Variants in GFAP observed in about 807,000 individuals in gnomAD.
GFAP encodes glial fibrillary acidic protein.
In GFAP, 38 loss-of-function variants were observed where a neutral mutation model predicts 49.3. The ratio of observed to expected loss-of-function variants is 0.77; its 90% CI spans 0.60 to 1.01. The LOEUF (loss-of-function observed/expected upper bound fraction) is 1.01, where lower values mean the gene tolerates loss of function less well. GFAP is among the 50% of genes least tolerant of loss of function. The pLI is 0.00. For synonymous variants in GFAP, 222 were observed against 236.4 expected (o/e 0.94, Z 0.56); for missense variants, 463 against 579.1 (o/e 0.80, Z 2.06).
chr17:44,907,548 G>T, intron 8 of GFAP, 160 bp from the exon 9 acceptor site: 1 of 698,286 alleles, frequency 1.4e-6, no homozygotes, highest in South Asian at 1.5e-5. Flanking sequence ...GACAGAGGGG[G>T]TGGTGAGATA....
rs1196056652 is a variant in GFAP, at chr17:44,905,069, T to C, written c.*2278A>G. On this transcript the variant is annotated 3_prime_UTR_variant, in exon 9 of 9. Coordinates refer to ENST00000588735, the MANE Select transcript of GFAP (RefSeq NM_002055.5). ...TCACTGTTGTCCCAGCTTCTCCCCC[T>C]AGGAGCTCTCTTCAGCTCTGAAGAC... The C allele has an allele frequency of 2.6e-6, 4 of 1,534,952 alleles. No individual in the cohort carries two copies. Among genetic ancestry groups the C allele is most frequent in the Non-Finnish European group, 3.5e-6 (4 of 1,136,448 alleles).
At chr17:44,907,840 C>G (rs1348035022) in intron 8 of GFAP, 2 of 641,986 alleles carry the variant, frequency 3.1e-6, no homozygotes, top group African/African-American at 3.6e-5. Context: ...TATTAGGATC[C>G]CATCTAGTGG....
intron 3 of GFAP, 137 bp from the exon 4 acceptor site, chr17:44,913,567 G>T: frequency 9.2e-7 from 1 of 1,091,718 alleles, no homozygotes; most frequent in Non-Finnish European, 1.4e-6. Context: ...GTCTCCCTTA[G>T]TGTCTTTCTG....
intron 1 of GFAP, 35 bp from the exon 2 acceptor site, chr17:44,914,123 C>T (rs1461568378): frequency 2.7e-6 from 4 of 1,466,940 alleles, no homozygotes; most frequent in Non-Finnish European, 2.8e-6. Flanking sequence ...GGTCCAGGCT[C>T]TTCTGAGGAC....
In GFAP at chr17:44,907,332, C is replaced by T; in HGVS notation, c.*15G>A. 6.2e-7 allele frequency: 1 copy of T among 1,613,160 alleles called. No individual in the cohort carries two copies. Among genetic ancestry groups the T allele is most frequent in the East Asian group, 2.2e-5 (1 of 44,872 alleles). On this transcript the variant is annotated 3_prime_UTR_variant, in exon 9 of 9. Transcript: ENST00000588735. Reference sequence around the variant, plus strand: ...CCTCATGAGACGGGGCAGAGGCCACCAGGTGGGTCCTGCCTCACATCACAT... The same window carrying T: ...CCTCATGAGACGGGGCAGAGGCCACTAGGTGGGTCCTGCCTCACATCACAT...
rs766291585 is a variant in GFAP at position 44,915,370 on chromosome 17, C to T, written c.117G>A (p.Leu39=). Residue 39 remains leucine (L), a synonymous_variant, in exon 1 of 9, where the codon CTG becomes CTA. Transcript: ENST00000588735. This position sits in a 1 kb window ranked among gnomAD's most constrained non-coding sequence, Gnocchi z 4.1. ...TCGGGAGTGGAGGGGGCATTCGAGC[C>T]AGGGAGAGGCGGGTGCCAGGACCCA... ...RRLGPGTRLS[L]ARMPPPLPTR... 1 of 1,610,118 alleles carries T rather than the reference C, an allele frequency of 6.2e-7. No individual in the cohort carries two copies. Among genetic ancestry groups the T allele is most frequent in the South Asian group, 1.1e-5 (1 of 90,954 alleles).
rs1314985645 is a variant in GFAP at position 44,904,837 on chromosome 17, G to A, written c.*2510C>T. On this transcript the variant is annotated 3_prime_UTR_variant, in exon 9 of 9. Transcript: ENST00000588735. Reference sequence around the variant, plus strand: ...ACCAGCTCCACATCCGCTTCACCCAGCTGGATGACCGGGGCATCTACTATT... The same window carrying A: ...ACCAGCTCCACATCCGCTTCACCCAACTGGATGACCGGGGCATCTACTATT... The A allele has an allele frequency of 1.3e-6, 2 of 1,550,684 alleles. No homozygotes were observed. The highest frequency in any genetic ancestry group is 2.4e-5 in the East Asian group (1 of 40,926).
At chr17:44,908,029 A>G (rs749704832) in intron 8 of GFAP, 35 bp downstream of exon 8, 62 of 1,454,920 alleles carry the variant, frequency 4.3e-5, no homozygotes, top group Non-Finnish European at 5.6e-5. Context: ...CCCTGGGGCC[A>G]GCCAGAGCCT....
Position 44,903,925 on chromosome 17 carries a change from C to T in GFAP, c.*3422G>A. On this transcript the variant is annotated 3_prime_UTR_variant, in exon 9 of 9. Transcript: ENST00000588735. ...AAAACATTTTTCAGAGGACCCCCTG[C>T]CCTGCTTTCCTGATGTTTGAAAATG... 1 of 1,550,602 alleles carries T rather than the reference C, an allele frequency of 6.4e-7. No homozygotes were observed.
intron 6 of GFAP, 187 bp from the exon 7 acceptor site, chr17:44,910,845 G>A (rs909739814): frequency 2.0e-5 from 15 of 768,176 alleles, no homozygotes; most frequent in Admixed American, 2.8e-5. Context: ...CAAGGGGCTT[G>A]AGTGTTATCT....
chr17:44,911,143 A>G, intron 6 of GFAP, 93 bp downstream of exon 6: 1 of 1,132,210 alleles, frequency 8.8e-7, no homozygotes, highest in Non-Finnish European at 1.3e-6. Context: ...TCTGCACACA[A>G]GGCTGAAAAA....
rs2051617993 is a variant in GFAP at position 44,904,442 on chromosome 17, C to G, written c.*2905G>C. The G allele has an allele frequency of 1.9e-6, 3 of 1,542,418 alleles. No homozygotes were observed. The highest frequency in any genetic ancestry group is 2.6e-6 in the Non-Finnish European group (3 of 1,141,232). On this transcript the variant is annotated 3_prime_UTR_variant, in exon 9 of 9. Transcript: ENST00000588735. ...GAGCCCAGACCTCTCCCCACGCTAC[C>G]TCAAGGCCGTGCCCGATGTGGTGTC... is the stretch of plus-strand genomic sequence containing the variant.
Position 44,911,458 on chromosome 17 carries a change from T to C in GFAP, c.907-2A>G. On this transcript the variant is annotated splice_acceptor_variant, in intron 5 of 8. Transcript: ENST00000588735. LOFTEE classifies it high-confidence loss of function. Reference sequence around the variant, plus strand: ...CATCTGCCTCTCCAGGGACTCGTTCTGTGGGATGGAGCCGGCCGGTCCCGC... The same window carrying C: ...CATCTGCCTCTCCAGGGACTCGTTCCGTGGGATGGAGCCGGCCGGTCCCGC... The C allele has an allele frequency of 1.2e-6, 2 of 1,602,820 alleles. No homozygotes were observed. Among genetic ancestry groups the C allele is most frequent in the Non-Finnish European group, 1.7e-6 (2 of 1,174,892 alleles).
intron 4 of GFAP, chr17:44,913,017 A>G: frequency 3.7e-6 from 2 of 535,004 alleles, no homozygotes; most frequent in Non-Finnish European, 6.8e-6. Flanking sequence ...GTAATCCATG[A>G]AAAGCACAGG....
chr17:44,913,906 C>T, intron 2 of GFAP, 83 bp from the exon 3 acceptor site: 1 of 1,379,434 alleles, frequency 7.2e-7, no homozygotes, highest in East Asian at 2.3e-5. Context: ...TGCCTTACCC[C>T]TCCTTCTGGG....
chr17:44,903,857 C>T lies in GFAP; in HGVS notation c.*3490G>A. The T allele has an allele frequency of 1.3e-6, 2 of 1,538,544 alleles. No individual in the cohort carries two copies. Among genetic ancestry groups the T allele is most frequent in the Non-Finnish European group, 1.8e-6 (2 of 1,141,142 alleles). On this transcript the variant is annotated 3_prime_UTR_variant, in exon 9 of 9. Coordinates refer to ENST00000588735, the MANE Select transcript of GFAP (RefSeq NM_002055.5). ...GCACCTGGCCCTCACCACTGTGCTC[C>T]TGTGGGCATGGGGGCTCCAGGCCTT...
chr17:44,910,550 C>T, intron 7 of GFAP, 65 bp downstream of exon 7: 2 of 1,554,684 alleles, frequency 1.3e-6, no homozygotes, highest in Non-Finnish European at 1.7e-6. Context: ...TCTGGAGCAA[C>T]CTACAGGCCC....
At position 44,904,266 on chromosome 17, in the gene GFAP, T is replaced by G; in HGVS notation, c.*3081A>C. On this transcript the variant is annotated 3_prime_UTR_variant, in exon 9 of 9. Transcript: ENST00000588735. ...GTGGACATCCAGAACAGTGAGGGAA[T>G]GGTGGCCACTTTCCAGGACAAGGGC... is the stretch of plus-strand genomic sequence containing the variant. 12 of 1,550,354 alleles carry G rather than the reference T, an allele frequency of 7.7e-6. No individual in the cohort carries two copies. The highest frequency in any genetic ancestry group is 1.0e-5 in the Non-Finnish European group (12 of 1,146,890).
In GFAP at chr17:44,913,737, G is replaced by A. The variant is rs751002682; in HGVS notation, c.609C>T (p.Ile203=). Residue 203 remains isoleucine (I), a synonymous_variant, in exon 3 of 9, where the codon ATC becomes ATT. Transcript: ENST00000588735. ...TCTGCCCTGGCCTCACCTCCTCGTG[G>A]ATCTTCCTCAAGAACCGGATCTCCT... The part of the protein sequence containing the change: ...LEEEIRFLRK[I]HEEEVRELQE... The A allele has an allele frequency of 1.2e-6, 2 of 1,612,500 alleles. No individual in the cohort carries two copies. Among genetic ancestry groups the A allele is most frequent in the African/African-American group, 1.3e-5 (1 of 74,858 alleles).
Sources: allele counts gnomAD v4.1 joint callset, GRCh38; gene constraint gnomAD v4.1.1; non-coding constraint Gnocchi (gnomAD v3.1); transcripts MANE v1.5; gene names NCBI Gene and HGNC (gene_info 2026-07-23, HGNC 2026-07-21).